The following KCNG3 variants were observed in gnomAD, a reference collection of about 807,000 sequenced individuals.
The protein encoded by KCNG3 is voltage-gated potassium channel regulatory subunit KCNG3.
Under a neutral mutation model 29.0 loss-of-function variants are expected in KCNG3, and 15 were observed. The observed-to-expected ratio is 0.52, with a 90% CI of 0.35 to 0.80. KCNG3 has a LOEUF of 0.80. Among genes scored for constraint, KCNG3 ranks in the 30% least tolerant of loss-of-function variants. KCNG3 has a pLI of 0.01. For missense variants in KCNG3, 512 were observed against 605.7 expected (o/e 0.85, Z 1.62); for synonymous variants, 322 against 248.9 (o/e 1.29, Z -2.76).
At chr2:42,429,594 C>A in the KCNG3 span, among the ~76,000 whole-genome samples, 4 of 152,180 alleles carry the variant, frequency 2.6e-5, no homozygotes, top group African/African-American at 4.8e-5. Context: ...TGTGACACTG[C>A]ACAAAGTCTC....
chr2:42,452,793 G>A (rs901880735), intron 1 of KCNG3, among the ~76,000 whole-genome samples: 3 of 150,928 alleles, frequency 2.0e-5, no homozygotes, highest in Non-Finnish European at 3.0e-5. Flanking sequence ...GTGTGTGTGT[G>A]TGTTTTGAGA....
chr2:42,473,291 G>A (rs940951305), intron 1 of KCNG3, among the ~76,000 whole-genome samples: 1 of 152,006 alleles, frequency 6.6e-6, no homozygotes, highest in Non-Finnish European at 1.5e-5. Flanking sequence ...ATGCCTGAAA[G>A]ACTTTATAAT....
chr2:42,455,977 T>A (rs906226164), intron 1 of KCNG3, among the ~76,000 whole-genome samples: 2 of 149,282 alleles, frequency 1.3e-5, no homozygotes, highest in Non-Finnish European at 3.0e-5. Context: ...TAAAATAATA[T>A]ATAGTATATT....
At chr2:42,479,847 C>T (rs911344959) in intron 1 of KCNG3, among the ~76,000 whole-genome samples, 9 of 152,060 alleles carry the variant, frequency 5.9e-5, no homozygotes, top group African/African-American at 1.2e-4. Flanking sequence ...CCTGTCTCTA[C>T]TAAAAATAAC....
At chr2:42,439,730 T>G (rs756097258), downstream of KCNG3, among the ~76,000 whole-genome samples, 21 of 151,692 alleles carry the variant, frequency 1.4e-4, no homozygotes, top group African/African-American at 4.1e-4. Flanking sequence ...CACTGCAACC[T>G]CTGCCTCCCT....
chr2:42,392,981 C>G, the KCNG3 span, among the ~76,000 whole-genome samples: 4 of 152,024 alleles, frequency 2.6e-5, no homozygotes, highest in African/African-American at 9.7e-5. Flanking sequence ...TATGTTGATG[C>G]AGTTTAAGTC....
At chr2:42,481,220 CCCTT>C (rs1270248652) in intron 1 of KCNG3, among the ~76,000 whole-genome samples, 1 of 152,188 alleles carries the variant, frequency 6.6e-6, no homozygotes, top group Admixed American at 6.6e-5. Flanking sequence ...TGAGTAGAGA[CCCTT>C]GTCATACCAT....
chr2:42,449,404 C>A (rs1195391971), intron 1 of KCNG3, among the ~76,000 whole-genome samples: 6 of 149,508 alleles, frequency 4.0e-5, no homozygotes, highest in African/African-American at 1.5e-4. Context: ...GCTGTTTTCA[C>A]AGCAAAGTTG....
At chr2:42,461,182 C>CAAAAAAAAAAAAAAAAAA (rs34199989) in intron 1 of KCNG3, among the ~76,000 whole-genome samples, 29 of 56,428 alleles carry the variant, frequency 5.1e-4, no homozygotes, top group East Asian at 2.1e-3. Flanking sequence ...CAAAACAAAA[C>CAAAAAAAAAAAAAAAAAA]AAAAAAAAAA....
the KCNG3 span, among the ~76,000 whole-genome samples, chr2:42,405,421 G>A: frequency 6.6e-6 from 1 of 150,788 alleles, no homozygotes; most frequent in African/African-American, 2.4e-5. Flanking sequence ...ATTGGGTTCA[G>A]CTTTTTGTTC....
chr2:42,437,304 TAGAA>T (rs1371024110), downstream of KCNG3, among the ~76,000 whole-genome samples: 5 of 152,196 alleles, frequency 3.3e-5, no homozygotes, highest in South Asian at 2.1e-4. Flanking sequence ...AGTCGAATCT[TAGAA>T]AGAAAGCAAC....
At chr2:42,447,919 G>A (rs539864355) in intron 1 of KCNG3, among the ~76,000 whole-genome samples, 1 of 152,282 alleles carries the variant, frequency 6.6e-6, no homozygotes, top group East Asian at 1.9e-4. Flanking sequence ...GATCAGAGAA[G>A]ATACATATGT....
In KCNG3 at chr2:42,492,916, AGTCGGG is replaced by A; in HGVS notation, c.580_585del (p.Pro194_Asp195del). On this transcript the variant is annotated inframe_deletion, in exon 1 of 2. Transcript: ENST00000306078. ...CGGTTGTCGGCGGCTGCGTTGCGCC[AGTCGGG>A]CAACGTGCTGGCGCACAGCACCACC... The A allele has an allele frequency of 6.3e-7, 1 of 1,583,146 alleles. No homozygotes were observed. The highest frequency in any genetic ancestry group is 8.6e-7 in the Non-Finnish European group (1 of 1,168,768).
the KCNG3 span, among the ~76,000 whole-genome samples, chr2:42,415,706 G>T: frequency 6.6e-6 from 1 of 152,114 alleles, no homozygotes; most frequent in South Asian, 2.1e-4. Flanking sequence ...ACTCCAGCCT[G>T]GGTGACAGAG....
chr2:42,418,360 G>T, the KCNG3 span, among the ~76,000 whole-genome samples: 1 of 152,080 alleles, frequency 6.6e-6, no homozygotes, highest in Non-Finnish European at 1.5e-5. Flanking sequence ...GGACAGCTGG[G>T]TTGTTTTCCA....
At chr2:42,434,162 C>T in the KCNG3 span, among the ~76,000 whole-genome samples, 1 of 151,982 alleles carries the variant, frequency 6.6e-6, no homozygotes, top group Non-Finnish European at 1.5e-5. Context: ...TATAGTAATA[C>T]AAGGAATGGC....
intron 1 of KCNG3, among the ~76,000 whole-genome samples, chr2:42,481,128 G>A (rs1298309120): frequency 6.6e-6 from 1 of 152,112 alleles, no homozygotes; most frequent in Admixed American, 6.6e-5. Flanking sequence ...ACCAGGCAGT[G>A]GGCCTGAGTT....
At chr2:42,460,312 C>A (rs1672985157) in intron 1 of KCNG3, among the ~76,000 whole-genome samples, 1 of 152,154 alleles carries the variant, frequency 6.6e-6, no homozygotes, top group African/African-American at 2.4e-5. Flanking sequence ...GATTATACCA[C>A]TGCACTCCAG....
chr2:42,473,785 T>C (rs1673352580), intron 1 of KCNG3, among the ~76,000 whole-genome samples: 2 of 152,218 alleles, frequency 1.3e-5, no homozygotes, highest in Admixed American at 1.3e-4. Context: ...TGCTTTATTT[T>C]CAACACTTAT....
Sources: gnomAD v4.1 joint callset for allele counts (sites outside exome capture counted in the v4.1 genomes callset) on GRCh38, gnomAD v4.1.1 for gene constraint, MANE v1.5 for transcripts, NCBI Gene and HGNC (gene_info 2026-07-23, HGNC 2026-07-21) for gene names.